Variants in LRP1B observed in about 807,000 individuals in gnomAD.
LRP1B encodes the protein LDL receptor related protein 1B, also known as low-density lipoprotein receptor-related protein 1B.
Under a neutral mutation model 556.6 loss-of-function variants are expected in LRP1B, and 217 were observed. That is an observed-to-expected ratio of 0.39 (90% CI 0.35 to 0.44). The LOEUF is 0.44. Among genes scored for constraint, LRP1B ranks in the 20% least tolerant of loss-of-function variants. The pLI, the probability that LRP1B is intolerant of heterozygous loss-of-function variation, is 1.00. For synonymous variants in LRP1B, 2,047 were observed against 1,865.8 expected (o/e 1.10, Z -2.50); for missense variants, 5,053 against 5,620.8 (o/e 0.90, Z 3.23).
intron 84 of LRP1B, among the ~76,000 whole-genome samples, chr2:140,285,822 C>A (rs1454571803): frequency 7.6e-6 from 1 of 132,134 alleles, no homozygotes; most frequent in Non-Finnish European, 1.6e-5. Context: ...TTGTTCTGCC[C>A]TTAAGGAGAA....
chr2:140,825,646 A>ATCATAATTCATGTATT lies in LRP1B; in HGVS notation c.5210-11856_5210-11841dup, dbSNP rs1279338544. 2.0e-5 allele frequency among the ~76,000 whole-genome samples: 3 copies of ATCATAATTCATGTATT among 152,212 alleles called. No homozygotes were observed. The South Asian group carries it at 6.2e-4, about 32-fold the overall frequency. The stretch of plus-strand genomic sequence containing the variant: ...TGTGTATAATATTAGTCGTAACATA[A>ATCATAATTCATGTATT]TCATAATTCATGTATTTTGATGAAT... On this transcript the variant is annotated intron_variant, in intron 31 of 90. Transcript: ENST00000389484.
At chr2:141,498,526 G>T (rs191191115) in intron 2 of LRP1B, among the ~76,000 whole-genome samples, 1 of 151,482 alleles carries the variant, frequency 6.6e-6, no homozygotes, top group African/African-American at 2.4e-5. Context: ...ATAACTTTTC[G>T]CAATGGTACC....
intron 35 of LRP1B, among the ~76,000 whole-genome samples, chr2:140,743,397 A>G (rs1335472866): frequency 1.3e-5 from 2 of 152,282 alleles, no homozygotes; most frequent in South Asian, 2.1e-4. Flanking sequence ...AAACAGAGAG[A>G]TTGGAAAAAC....
chr2:141,280,243 G>A (rs1182359850), intron 3 of LRP1B, among the ~76,000 whole-genome samples: 1 of 152,072 alleles, frequency 6.6e-6, no homozygotes, highest in African/African-American at 2.4e-5. Flanking sequence ...AGACAGGACT[G>A]TAATTACATG....
At chr2:140,648,878 C>G (rs1484670918) in intron 41 of LRP1B, among the ~76,000 whole-genome samples, 1 of 152,112 alleles carries the variant, frequency 6.6e-6, no homozygotes. Flanking sequence ...CAATATCACT[C>G]TGACTGTTGT....
intron 1 of LRP1B, among the ~76,000 whole-genome samples, chr2:142,020,202 G>A (rs751297685): frequency 9.9e-5 from 15 of 152,068 alleles, no homozygotes; most frequent in South Asian, 2.1e-4. Context: ...GGACCAAGTC[G>A]TTCATGAGTG....
At chr2:141,561,891 A>C (rs536582746) in intron 2 of LRP1B, among the ~76,000 whole-genome samples, 1 of 151,626 alleles carries the variant, frequency 6.6e-6, no homozygotes, top group Admixed American at 6.6e-5. Flanking sequence ...TTTTTAAAAA[A>C]TATTTTATTA....
Position 140,516,927 on chromosome 2 carries a change from T to A in LRP1B, c.8111A>T (p.Gln2704Leu), listed in dbSNP as rs1689929866. The A allele has an allele frequency of 6.2e-7, 1 of 1,613,314 alleles. No homozygotes were observed. Reference protein sequence around the residue: ...CILNTWICDGQKDCEDGRDEF... With the variant: ...CILNTWICDGLKDCEDGRDEF... ...ATCACGTCCATCCTCACAATCTTTCTGACCATCGCATATCCAGGTATTCAA... is the reference window on the plus strand; with the variant it reads ...ATCACGTCCATCCTCACAATCTTTCAGACCATCGCATATCCAGGTATTCAA... The change falls in exon 50 of 91, where the codon CAG becomes CTG. Residue 2704 changes from glutamine (Q) to leucine (L), a missense_variant. By Grantham distance (113) the Gln-to-Leu change is moderately radical. This residue lies in a region of LRP1B where 3,619 missense variants were observed against 3,931.9 expected (regional missense o/e 0.92). Coordinates refer to ENST00000389484, the MANE Select transcript of LRP1B (RefSeq NM_018557.3).
chr2:140,971,678 C>T (rs1329639641), intron 18 of LRP1B, among the ~76,000 whole-genome samples: 2 of 151,974 alleles, frequency 1.3e-5, no homozygotes, highest in Admixed American at 6.6e-5. Context: ...ACTAACAATA[C>T]AAAAAATTAG....
At chr2:141,844,244 C>T (rs1288089882) in intron 1 of LRP1B, among the ~76,000 whole-genome samples, 1 of 152,086 alleles carries the variant, frequency 6.6e-6, no homozygotes, top group Non-Finnish European at 1.5e-5. Context: ...TTTGCTTTTT[C>T]AGGGAAGCAT....
At chr2:140,828,013 C>T (rs1308839595) in intron 31 of LRP1B, among the ~76,000 whole-genome samples, 1 of 151,940 alleles carries the variant, frequency 6.6e-6, no homozygotes, top group Non-Finnish European at 1.5e-5. Context: ...ATACTGTACC[C>T]AGAAAGCTTT....
intron 45 of LRP1B, among the ~76,000 whole-genome samples, chr2:140,537,056 A>G (rs1679934959): frequency 6.6e-6 from 1 of 151,072 alleles, no homozygotes; most frequent in Non-Finnish European, 1.5e-5. Context: ...CTGTAGTCCC[A>G]GCTACTTGGG....
At chr2:140,855,493 G>GAAAAAAAAAAAAAAAAAA (rs56835236) in intron 27 of LRP1B, among the ~76,000 whole-genome samples, 83 of 99,358 alleles carry the variant, frequency 8.4e-4, no homozygotes, top group African/African-American at 2.1e-3. Context: ...TCTCTACTGG[G>GAAAAAAAAAAAAAAAAAA]AAAAAAAAAA....
At chr2:140,339,572 T>C (rs1196654478) in intron 77 of LRP1B, among the ~76,000 whole-genome samples, 1 of 151,646 alleles carries the variant, frequency 6.6e-6, no homozygotes, top group Non-Finnish European at 1.5e-5. Context: ...TGTCAAGAAA[T>C]TGTGTGCGTG....
At position 141,957,370 on chromosome 2, in the gene LRP1B, G is replaced by A. The variant is rs571358295; in HGVS notation, c.83-146969C>T. Reference sequence around the variant, plus strand: ...GATTAGCAAATAGTCTGGATGGTTCGTGTTTGTGTGTGTGGGGGGGGGGGG... The same window carrying A: ...GATTAGCAAATAGTCTGGATGGTTCATGTTTGTGTGTGTGGGGGGGGGGGG... On this transcript the variant is annotated intron_variant, in intron 1 of 90. Coordinates refer to ENST00000389484, the MANE Select transcript of LRP1B (RefSeq NM_018557.3). Among the ~76,000 whole-genome samples, 52 of 85,422 alleles carry A rather than the reference G, an allele frequency of 6.1e-4. 2 individuals carry two copies. Among genetic ancestry groups the A allele is most frequent in the South Asian group, 5.3e-3 (11 of 2,076 alleles). 56.0% of individuals were successfully genotyped at this position (85,422 alleles called of 152,430 possible).
intron 3 of LRP1B, among the ~76,000 whole-genome samples, chr2:141,302,058 G>A (rs1313549309): frequency 6.6e-6 from 1 of 151,872 alleles, no homozygotes; most frequent in East Asian, 1.9e-4. Context: ...AAACAAGTAA[G>A]CCACAAGGTA....
intron 43 of LRP1B, among the ~76,000 whole-genome samples, chr2:140,587,577 T>C (rs1423130339): frequency 6.6e-6 from 1 of 152,056 alleles, no homozygotes; most frequent in Non-Finnish European, 1.5e-5. Flanking sequence ...GGAGTGAAGA[T>C]GGGATGGGGA....
chr2:140,559,869 G>T lies in LRP1B; in HGVS notation c.7195-17898C>A, dbSNP rs564986262. ...AATTGAAATTGAAAATTATCACTTG[G>T]CAAGATTTACATTAAATCACTGTTT... On this transcript the variant is annotated intron_variant, in intron 43 of 90. Transcript: ENST00000389484. 1.6e-4 allele frequency among the ~76,000 whole-genome samples: 25 copies of T among 151,910 alleles called. 1 individual carries two copies. Among genetic ancestry groups the T allele is most frequent in the African/African-American group, 6.0e-4 (25 of 41,448 alleles).
chr2:141,253,485 G>T (rs1380349420), intron 4 of LRP1B, among the ~76,000 whole-genome samples: 1 of 152,062 alleles, frequency 6.6e-6, no homozygotes, highest in Non-Finnish European at 1.5e-5. Flanking sequence ...TAACTGAAAA[G>T]TCAATGAGCC....
Sources: gnomAD v4.1 joint callset for allele counts (sites outside exome capture counted in the v4.1 genomes callset) on GRCh38, gnomAD v4.1.1 for gene constraint, gnomAD v4.1.1 regional missense constraint, MANE v1.5 for transcripts, NCBI Gene and HGNC (gene_info 2026-07-23, HGNC 2026-07-21) for gene names.